Variants in FCRL3 observed in about 807,000 individuals in gnomAD.
FCRL3 encodes the protein Fc receptor like 3.
Under a neutral mutation model 75.0 loss-of-function variants are expected in FCRL3, and 89 were observed. The ratio of observed to expected loss-of-function variants is 1.19; its 90% CI spans 1.00 to 1.42. The LOEUF (loss-of-function observed/expected upper bound fraction) is 1.42, where lower values mean the gene tolerates loss of function less well. Ranked by LOEUF, FCRL3 falls within the 40% of genes most tolerant of loss-of-function variation. The pLI is 0.00. For missense variants in FCRL3, 946 were observed against 880.0 expected (o/e 1.07, Z -0.95); for synonymous variants, 376 against 348.5 (o/e 1.08, Z -0.88).
chr1:157,698,242 C>T, intron 4 of FCRL3, 142 bp downstream of exon 4: 2 of 1,030,540 alleles, frequency 1.9e-6, no homozygotes, highest in African/African-American at 1.6e-5. Flanking sequence ...TGCTGCTGCC[C>T]TATCTCTTTA....
chr1:157,680,760 T>C lies in FCRL3; in HGVS notation c.1968A>G (p.Gly656=). The change falls in exon 13 of 15, where the codon GGA becomes GGG. Residue 656 remains glycine, a synonymous_variant. Transcript: ENST00000368184. ...TCTGGGAATAAATCGGGTTGCTATC[T>C]CCAGGATTTACTGTGAGAGAAGATA... ...LEPMYSNVNP[G]DSNPIYSQIW... The C allele has an allele frequency of 6.2e-7, 1 of 1,614,068 alleles. No individual in the cohort carries two copies. The highest frequency in any genetic ancestry group is 8.5e-7 in the Non-Finnish European group (1 of 1,179,918).
Position 157,677,230 on chromosome 1 carries a change from G to A in FCRL3, c.*1480C>T. 1.0e-6 allele frequency: 1 copy of A among 1,004,186 alleles called. No homozygotes were observed. Among genetic ancestry groups the A allele is most frequent in the Non-Finnish European group, 1.2e-6 (1 of 840,330 alleles). The allele number at this position is 1,004,186 out of a possible 1,614,324, so 62.2% of individuals were successfully genotyped here. On this transcript the variant is annotated 3_prime_UTR_variant, in exon 15 of 15. Coordinates refer to ENST00000368184, the MANE Select transcript of FCRL3 (RefSeq NM_052939.4). ...CAAAAGTGCCTTCTGGTGAAACTCA[G>A]CTTCCATAGTGATGGAACCTAAGGG...
chr1:157,688,485 T>G (rs1288264287), intron 10 of FCRL3, among the ~76,000 whole-genome samples: 1 of 152,070 alleles, frequency 6.6e-6, no homozygotes, highest in Non-Finnish European at 1.5e-5. Context: ...CAATTACAGT[T>G]AAAGATTTTA....
Position 157,697,669 on chromosome 1 carries a change from G to C in FCRL3, c.549C>G (p.Ile183Met). 1.2e-6 allele frequency: 2 copies of C among 1,613,122 alleles called. No individual in the cohort carries two copies. Among genetic ancestry groups the C allele is most frequent in the Non-Finnish European group, 1.7e-6 (2 of 1,179,664 alleles). The change falls in exon 5 of 15, where the codon ATC becomes ATG. Residue 183 changes from isoleucine to methionine, a missense_variant. Transcript: ENST00000368184. Reference sequence around the variant, plus strand: ...GAATCTAGCCATTACCTTGAACTTGGATATTTAGGGGTTTTGAAGTTACTT... The same window carrying C: ...GAATCTAGCCATTACCTTGAACTTGCATATTTAGGGGTTTTGAAGTTACTT... The part of the protein sequence containing the change: ...DIEVTSKPLN[I>M]QVQELFLHPV...
chr1:157,696,578 C>G, intron 6 of FCRL3: 2 of 506,442 alleles, frequency 3.9e-6, no homozygotes, highest in East Asian at 3.2e-5. Context: ...GTTTTCTGGT[C>G]ACATTTTATA....
intron 10 of FCRL3, among the ~76,000 whole-genome samples, chr1:157,685,722 A>T (rs1557824524): frequency 6.6e-6 from 1 of 152,130 alleles, no homozygotes; most frequent in Non-Finnish European, 1.5e-5. Context: ...ATATCAATAA[A>T]TTTTTTTAAA....
In FCRL3 at chr1:157,689,900, T is replaced by C. The variant is rs1655405951; in HGVS notation, c.1708A>G (p.Thr570Ala). 1 of 1,614,082 alleles carries C rather than the reference T, an allele frequency of 6.2e-7. No individual in the cohort carries two copies. ...LNVTGTSRNR[T>A]GLTAAGITGL... is the part of the protein sequence containing the mutation. ...GTGATTCCCGCAGCGGTAAGGCCTGTTCTGTTCCTGGAAGTTCCTGAGTGG... is the reference window on the plus strand; with the variant it reads ...GTGATTCCCGCAGCGGTAAGGCCTGCTCTGTTCCTGGAAGTTCCTGAGTGG... Residue 570 changes from threonine (T) to alanine (A), a missense_variant, in exon 10 of 15, where the codon ACA becomes GCA. Transcript: ENST00000368184.
chr1:157,683,131 T>A, intron 11 of FCRL3, 86 bp downstream of exon 11: 1 of 1,460,938 alleles, frequency 6.8e-7, no homozygotes. Flanking sequence ...AGGAAATCCA[T>A]TGAAATTTAA....
intron 13 of FCRL3, 75 bp downstream of exon 13, chr1:157,680,627 C>T: frequency 1.6e-6 from 2 of 1,273,504 alleles, no homozygotes; most frequent in East Asian, 2.3e-5. Flanking sequence ...TTTGAAATAA[C>T]TCTGATCAAA....
chr1:157,682,440 C>G (rs1654912030), intron 11 of FCRL3, among the ~76,000 whole-genome samples: 1 of 152,118 alleles, frequency 6.6e-6, no homozygotes, highest in African/African-American at 2.4e-5. Flanking sequence ...AGGAAGGGAT[C>G]CAGTTTCAGC....
In FCRL3 at chr1:157,678,461, C is replaced by T; in HGVS notation, c.*249G>A. 1 of 1,353,934 alleles carries T rather than the reference C, an allele frequency of 7.4e-7. No individual in the cohort carries two copies. Among genetic ancestry groups the T allele is most frequent in the Non-Finnish European group, 9.5e-7 (1 of 1,051,004 alleles). 83.9% of individuals were successfully genotyped at this position (1,353,934 alleles called of 1,614,324 possible). A position where few individuals can be genotyped will look rare whatever the true frequency, so the allele number is the denominator to read the frequency against. On this transcript the variant is annotated 3_prime_UTR_variant, in exon 15 of 15. Transcript: ENST00000368184. ...ATTCGACAGCCCTAGGAGCTGAGGG[C>T]CCTCCTGCCTTGCCACGTGTCTCCA...
chr1:157,689,399 ATTC>A (rs1655368663), intron 10 of FCRL3, among the ~76,000 whole-genome samples: 1 of 152,160 alleles, frequency 6.6e-6, no homozygotes, highest in Non-Finnish European at 1.5e-5. Context: ...CATTTTTGGC[ATTC>A]TTTATTTATT....
chr1:157,691,033 A>T (rs1406715399), intron 8 of FCRL3, among the ~76,000 whole-genome samples: 1 of 151,826 alleles, frequency 6.6e-6, no homozygotes, highest in Non-Finnish European at 1.5e-5. Context: ...GTATGTATGT[A>T]TGTATCTATC....
intron 12 of FCRL3, 56 bp from the exon 13 acceptor site, chr1:157,680,826 A>T: frequency 6.5e-7 from 1 of 1,542,748 alleles, no homozygotes; most frequent in Non-Finnish European, 8.9e-7. Context: ...TCTAGACTCT[A>T]CTTCCCAATC....
chr1:157,689,830 A>G lies in FCRL3; in HGVS notation c.1778T>C (p.Leu593Pro), dbSNP rs1359506363. 3 of 1,614,212 alleles carry G rather than the reference A, an allele frequency of 1.9e-6. No individual in the cohort carries two copies. The Admixed American group carries it at 5.0e-5, about 27-fold the overall frequency. ...CCTTCGGGCCCTGGCGTAATGCAGC[A>G]GAGCAGCAGCAGCAGCAAGGACGAG... is the stretch of plus-strand genomic sequence containing the variant. Reference protein sequence around the residue: ...SILVLAAAAALLHYARARRKP... With the variant: ...SILVLAAAAAPLHYARARRKP... The change falls in exon 10 of 15, where the codon CTG becomes CCG. Residue 593 changes from leucine (L) to proline (P), a missense_variant. Physicochemically the swap from Leu to Pro is moderately conservative, Grantham distance 98 (BLOSUM62 -3). Transcript: ENST00000368184.
chr1:157,689,929 G>T lies in FCRL3; in HGVS notation c.1691-12C>A. The T allele has an allele frequency of 6.2e-7, 1 of 1,613,896 alleles. No individual in the cohort carries two copies. The highest frequency in any genetic ancestry group is 8.5e-7 in the Non-Finnish European group (1 of 1,179,826). ...GTTCCTGGAAGTTCCTGAGTGGAGG[G>T]AGCTGTACTTGAGTTTCAGTGGCAC... On this transcript the variant is annotated splice_polypyrimidine_tract_variant and intron_variant, in intron 9 of 14. Transcript: ENST00000368184.
chr1:157,692,599 T>A (rs1247024692), intron 8 of FCRL3, among the ~76,000 whole-genome samples: 1 of 152,226 alleles, frequency 6.6e-6, no homozygotes, highest in Non-Finnish European at 1.5e-5. Context: ...CCTTTTTGTA[T>A]CACATGAAAG....
chr1:157,686,319 C>A (rs1655173870), intron 10 of FCRL3, among the ~76,000 whole-genome samples: 1 of 151,926 alleles, frequency 6.6e-6, no homozygotes, highest in South Asian at 2.1e-4. Context: ...ATATTGCATG[C>A]TCATAGATTG....
chr1:157,680,584 G>A lies in FCRL3; in HGVS notation c.2026+118C>T, dbSNP rs796649752. ...ATAGATTCTACAGCTGACACTATGG[G>A]AGGCAAGTAATGCCTTGCGTGTTGG... On this transcript the variant is annotated intron_variant, in intron 13 of 14. Transcript: ENST00000368184. The A allele has an allele frequency of 1.6e-5, 12 of 762,500 alleles. 1 individual carries two copies. The highest frequency in any genetic ancestry group is 1.3e-4 in the East Asian group (5 of 39,108). 47.2% of individuals were successfully genotyped at this position (762,500 alleles called of 1,614,324 possible). A position where few individuals can be genotyped will look rare whatever the true frequency, so the allele number is the denominator to read the frequency against.
Sources: gnomAD v4.1 joint callset for allele counts (sites outside exome capture counted in the v4.1 genomes callset) on GRCh38, gnomAD v4.1.1 for gene constraint, MANE v1.5 for transcripts, NCBI Gene and HGNC (gene_info 2026-07-23, HGNC 2026-07-21) for gene names.